The following KCNK9 variants were observed in gnomAD, a reference collection of about 807,000 sequenced individuals.
The protein encoded by KCNK9 is potassium two pore domain channel subfamily K member 9.
KCNK9 carries 1 observed loss-of-function variant against 10.8 expected under a neutral mutation model. The ratio of observed to expected loss-of-function variants is 0.09; its 90% CI spans 0.03 to 0.44. The LOEUF (loss-of-function observed/expected upper bound fraction) is 0.44, where lower values mean the gene tolerates loss of function less well. Ranked by LOEUF, KCNK9 falls within the 20% of genes least tolerant of loss-of-function variation. KCNK9 has a pLI of 0.97. For missense variants in KCNK9, 303 were observed against 515.0 expected, an observed-to-expected ratio of 0.59 and a Z score of 3.98; for synonymous variants, 231 against 222.7, an observed-to-expected ratio of 1.04 and a Z score of -0.33.
chr8:139,626,233 T>C (rs912692112), intron 1 of KCNK9, among the ~76,000 whole-genome samples: 2 of 152,138 alleles, frequency 1.3e-5, no homozygotes, highest in Non-Finnish European at 2.9e-5. Context: ...TCTAGGTACA[T>C]CCACACCTGA....
chr8:139,664,843 G>T (rs1816258397), intron 1 of KCNK9, among the ~76,000 whole-genome samples: 1 of 152,136 alleles, frequency 6.6e-6, no homozygotes. Context: ...GCTCCCTCTG[G>T]CTTCATTCCT....
At chr8:139,675,005 T>C (rs1441262441) in intron 1 of KCNK9, among the ~76,000 whole-genome samples, 1 of 151,776 alleles carries the variant, frequency 6.6e-6, no homozygotes, top group African/African-American at 2.4e-5. Flanking sequence ...CCCCCAGAAA[T>C]AGCACTGGCC....
downstream of KCNK9, among the ~76,000 whole-genome samples, chr8:139,609,106 A>ACCCCCCCCCCCCCC (rs1554617339): frequency 1.6e-5 from 2 of 123,852 alleles, no homozygotes; most frequent in Admixed American, 8.4e-5. Flanking sequence ...GACCCATCCC[A>ACCCCCCCCCCCCCC]CCCCACCCCG....
At chr8:139,690,718 G>A (rs1197703377) in intron 1 of KCNK9, among the ~76,000 whole-genome samples, 1 of 152,128 alleles carries the variant, frequency 6.6e-6, no homozygotes, top group African/African-American at 2.4e-5. Flanking sequence ...GGGTGTAATG[G>A]AGACCACATC....
intron 1 of KCNK9, among the ~76,000 whole-genome samples, chr8:139,663,857 G>A (rs3824281): frequency 0.19 from 28,154 of 152,002 alleles, 4,435 homozygotes; most frequent in East Asian, 0.66. Flanking sequence ...GCACCACTGA[G>A]ATGGAGATGT....
intron 1 of KCNK9, among the ~76,000 whole-genome samples, chr8:139,653,890 A>T (rs1287676869): frequency 6.6e-6 from 1 of 152,166 alleles, no homozygotes; most frequent in Non-Finnish European, 1.5e-5. Flanking sequence ...CAGGGACCTC[A>T]CCAATTCCAA....
At position 139,700,508 on chromosome 8, in the gene KCNK9, ACGCGCGCGCGCG is replaced by A. The variant is rs1218216062; in HGVS notation, c.283+2190_283+2201del. ...CATACACACACACACACACACACACACGCGCGCGCGCGCACACACACACACACACACGCGCGC... is the reference window on the plus strand; with the variant it reads ...CATACACACACACACACACACACACACACACACACACACACACACGCGCGC... On this transcript the variant is annotated intron_variant, in intron 1 of 1. Coordinates refer to ENST00000520439, the MANE Select transcript of KCNK9 (RefSeq NM_001282534.2). Among the ~76,000 whole-genome samples, 1,121 of 118,204 alleles carry A rather than the reference ACGCGCGCGCGCG, an allele frequency of 9.5e-3. 16 individuals carry two copies. Among genetic ancestry groups the A allele is most frequent in the African/African-American group, 0.043 (1,034 of 24,230 alleles). The allele number at this position is 118,204 out of a possible 152,430, so 77.5% of individuals were successfully genotyped here. A position where few individuals can be genotyped will look rare whatever the true frequency, so the allele number is the denominator to read the frequency against.
Position 139,703,089 on chromosome 8 carries a change from T to TCCGCCGCCG in KCNK9, c.-106_-98dup. The TCCGCCGCCG allele has an allele frequency of 9.3e-7, 1 of 1,071,698 alleles. No homozygotes were observed. The highest frequency in any genetic ancestry group is 1.7e-5 in the African/African-American group (1 of 59,366). The allele number at this position is 1,071,698 out of a possible 1,614,324, so 66.4% of individuals were successfully genotyped here. ...CCCGGCGGCCGCCGCCGCCTCCTCC[T>TCCGCCGCCG]CCGCCGCCGCCGCCGCCGCCTCCAA... On this transcript the variant is annotated 5_prime_UTR_variant, in exon 1 of 2. Coordinates refer to ENST00000520439, the MANE Select transcript of KCNK9 (RefSeq NM_001282534.2). This position sits in a 1 kb window ranked among gnomAD's most constrained non-coding sequence, Gnocchi z 6.4.
At chr8:139,628,289 A>C (rs1241138129) in intron 1 of KCNK9, among the ~76,000 whole-genome samples, 2 of 152,214 alleles carry the variant, frequency 1.3e-5, no homozygotes, top group Non-Finnish European at 2.9e-5. Flanking sequence ...CATCCATTTC[A>C]CAGATGCACA....
intron 1 of KCNK9, among the ~76,000 whole-genome samples, chr8:139,694,798 G>A (rs1201675250): frequency 6.6e-6 from 1 of 151,898 alleles, no homozygotes; most frequent in Non-Finnish European, 1.5e-5. Flanking sequence ...ATAAGGATGA[G>A]GATGGCTCAG....
In KCNK9 at chr8:139,702,053, G is replaced by T. The variant is rs1481597573; in HGVS notation, c.283+657C>A. On this transcript the variant is annotated intron_variant, in intron 1 of 1. Transcript: ENST00000520439. This position sits in a 1 kb window ranked among gnomAD's most constrained non-coding sequence, Gnocchi z 7.5. Reference sequence around the variant, plus strand: ...TCCACCTCTACTGAGAGCAATTGAGGGGCTGCCACCCCCAACGCAAGCACC... The same window carrying T: ...TCCACCTCTACTGAGAGCAATTGAGTGGCTGCCACCCCCAACGCAAGCACC... Among the ~76,000 whole-genome samples, 1 of 152,158 alleles carries T rather than the reference G, an allele frequency of 6.6e-6. No homozygotes were observed. The highest frequency in any genetic ancestry group is 6.5e-5 in the Admixed American group (1 of 15,282).
At chr8:139,667,849 C>G (rs1349131931) in intron 1 of KCNK9, among the ~76,000 whole-genome samples, 1 of 151,784 alleles carries the variant, frequency 6.6e-6, no homozygotes, top group Non-Finnish European at 1.5e-5. Flanking sequence ...CCACTGCACT[C>G]CAGCCTGGGC....
rs1384792271 is a variant in KCNK9 at position 139,702,332 on chromosome 8, G to T, written c.283+378C>A. Among the ~76,000 whole-genome samples the T allele has an allele frequency of 6.6e-6, 1 of 152,186 alleles. No individual in the cohort carries two copies. The highest frequency in any genetic ancestry group is 2.4e-5 in the African/African-American group (1 of 41,464). ...CTCCCAGAGAGGTAGTAAGTGTAAGGCTCAGAGCCCCGCGCAGCCCAGCCC... is the reference window on the plus strand; with the variant it reads ...CTCCCAGAGAGGTAGTAAGTGTAAGTCTCAGAGCCCCGCGCAGCCCAGCCC... On this transcript the variant is annotated intron_variant, in intron 1 of 1. Transcript: ENST00000520439. This position sits in a 1 kb window ranked among gnomAD's most constrained non-coding sequence, Gnocchi z 7.5.
At chr8:139,623,496 T>C in intron 1 of KCNK9, among the ~76,000 whole-genome samples, 1 of 152,070 alleles carries the variant, frequency 6.6e-6, no homozygotes, top group Non-Finnish European at 1.5e-5. Context: ...CACGAGCAGG[T>C]GCGGATAGAG....
In KCNK9 at chr8:139,632,666, C is replaced by T. The variant is rs375868992; in HGVS notation, c.284-13567G>A. ...CTCTGCCTCTGTTTCTCTCTCCCTG[C>T]TCCCATTCCCCCCGCTCCCTCCCTA... On this transcript the variant is annotated intron_variant, in intron 1 of 1. Coordinates refer to ENST00000520439, the MANE Select transcript of KCNK9 (RefSeq NM_001282534.2). Among the ~76,000 whole-genome samples, 6 of 152,152 alleles carry T rather than the reference C, an allele frequency of 3.9e-5. No individual in the cohort carries two copies. In the South Asian group the frequency reaches 1.2e-3, roughly 32 times the overall value.
rs576623488 is a variant in KCNK9 at position 139,699,308 on chromosome 8, T to C, written c.283+3402A>G. On this transcript the variant is annotated intron_variant, in intron 1 of 1. Transcript: ENST00000520439. The stretch of plus-strand genomic sequence containing the variant: ...TCACATGTGTGTTCCAGGGGTCCCT[T>C]ACACACCATTTGGCCCCAAGCAGGC... Among the ~76,000 whole-genome samples the C allele has an allele frequency of 2.0e-5, 3 of 152,246 alleles. No homozygotes were observed. The South Asian group carries it at 6.2e-4, about 32-fold the overall frequency.
chr8:139,695,624 G>C (rs1446992411), intron 1 of KCNK9, among the ~76,000 whole-genome samples: 1 of 152,144 alleles, frequency 6.6e-6, no homozygotes, highest in Non-Finnish European at 1.5e-5. Flanking sequence ...CAGACTCCAG[G>C]CTCCTTCAGG....
At position 139,618,587 on chromosome 8, in the gene KCNK9, C is replaced by T. The variant is rs370302731; in HGVS notation, c.796G>A (p.Gly266Arg). The T allele has an allele frequency of 1.5e-5, 24 of 1,613,582 alleles. No individual in the cohort carries two copies. The highest frequency in any genetic ancestry group is 5.5e-5 in the South Asian group (5 of 91,076). ...TGAATGACCATGCTGTTGCGGTTTCCGGCGAGGGATGCCCTCTCTTCAGCA... is the reference window on the plus strand; with the variant it reads ...TGAATGACCATGCTGTTGCGGTTTCTGGCGAGGGATGCCCTCTCTTCAGCA... ...RDAEERASLA[G>R]NRNSMVIHIP... Residue 266 changes from glycine (G) to arginine (R), a missense_variant, in exon 2 of 2, where the codon GGA becomes AGA. By Grantham distance (125) the Gly-to-Arg change is moderately radical. This residue lies in a region of KCNK9 where 138 missense variants were observed against 161.1 expected (regional missense o/e 0.86). Coordinates refer to ENST00000520439, the MANE Select transcript of KCNK9 (RefSeq NM_001282534.2). This position sits in a 1 kb window ranked among gnomAD's most constrained non-coding sequence, Gnocchi z 7.9.
intron 1 of KCNK9, among the ~76,000 whole-genome samples, chr8:139,638,620 C>A (rs1815405948): frequency 6.6e-6 from 1 of 152,220 alleles, no homozygotes; most frequent in Admixed American, 6.5e-5. Flanking sequence ...TTCCCTGAGC[C>A]AAGTGCCAGC....
Sources: allele counts gnomAD v4.1 joint callset (sites outside exome capture counted in the v4.1 genomes callset), GRCh38; gene constraint gnomAD v4.1.1; regional missense constraint gnomAD v4.1.1; non-coding constraint Gnocchi (gnomAD v3.1); transcripts MANE v1.5; gene names NCBI Gene and HGNC (gene_info 2026-07-23, HGNC 2026-07-21).